GALNT13: variants seen among roughly 807,000 people sequenced by gnomAD.
GALNT13 encodes UDP-GalNAc:polypeptide N-acetylgalactosaminyltransferase 13.
Under a neutral mutation model 64.2 loss-of-function variants are expected in GALNT13, and 28 were observed. The observed-to-expected ratio is 0.44, with a 90% CI of 0.32 to 0.60. The LOEUF is 0.60. Among genes scored for constraint, GALNT13 ranks in the 20% least tolerant of loss-of-function variants. GALNT13 has a pLI of 0.05. For synonymous variants in GALNT13, 214 were observed against 224.6 expected, an observed-to-expected ratio of 0.95 and a Z score of 0.42; for missense variants, 577 against 669.8, an observed-to-expected ratio of 0.86 and a Z score of 1.53.
rs1689521393 is a variant in GALNT13, at chr2:154,242,112, C to T, written c.394C>T (p.Leu132Phe). 1 of 1,612,694 alleles carries T rather than the reference C, an allele frequency of 6.2e-7. No homozygotes were observed. Among genetic ancestry groups the T allele is most frequent in the Non-Finnish European group, 8.5e-7 (1 of 1,179,042 alleles). Residue 132 changes from leucine to phenylalanine, a missense_variant, in exon 5 of 13, where the codon CTT becomes TTT. Coordinates refer to ENST00000392825, the MANE Select transcript of GALNT13 (RefSeq NM_052917.4). ...VFHNEAWSTL[L>F]RTVYSVINRS... ...TCATAATGAAGCTTGGAGCACTCTC[C>T]TTAGAACTGTTTACAGTGTGATAAA... is the stretch of plus-strand genomic sequence containing the variant.
At chr2:153,126,832 G>C in the GALNT13 span, among the ~76,000 whole-genome samples, 5 of 152,076 alleles carry the variant, frequency 3.3e-5, no homozygotes, top group East Asian at 9.6e-4. Context: ...ATTCAGAGTG[G>C]CACATCTCTG....
At chr2:153,332,188 T>G in the GALNT13 span, among the ~76,000 whole-genome samples, 1 of 152,214 alleles carries the variant, frequency 6.6e-6, no homozygotes, top group African/African-American at 2.4e-5. Flanking sequence ...ATTTCTGCTC[T>G]GATTTTAGTT....
chr2:153,725,968 A>C, the GALNT13 span, among the ~76,000 whole-genome samples: 1 of 152,208 alleles, frequency 6.6e-6, no homozygotes, highest in Non-Finnish European at 1.5e-5. Flanking sequence ...GTTACTAGGA[A>C]ATCCATAGAG....
chr2:153,685,482 T>G, the GALNT13 span, among the ~76,000 whole-genome samples: 55 of 151,990 alleles, frequency 3.6e-4, no homozygotes, highest in African/African-American at 1.3e-3. Context: ...AGTGACTGTT[T>G]ATGTCTTTTG....
the GALNT13 span, among the ~76,000 whole-genome samples, chr2:153,123,589 C>G: frequency 1.1e-4 from 17 of 152,322 alleles, no homozygotes; most frequent in Admixed American, 9.1e-4. Flanking sequence ...AACCAAATCT[C>G]TATCTGCATG....
Position 154,408,945 on chromosome 2 carries a change from T to G in GALNT13, c.1297-39T>G, listed in dbSNP as rs116116513. On this transcript the variant is annotated intron_variant, in intron 10 of 12. Coordinates refer to ENST00000392825, the MANE Select transcript of GALNT13 (RefSeq NM_052917.4). ...TTTGATGACTTAAATAACTGTCTGA[T>G]TTATGTTTTATCCCCCCCCTTTTGT... 2.0e-5 allele frequency: 25 copies of G among 1,249,054 alleles called. No individual in the cohort carries two copies. In the African/African-American group the frequency reaches 3.6e-4, roughly 18 times the overall value. The allele number at this position is 1,249,054 out of a possible 1,614,324, so 77.4% of individuals were successfully genotyped here.
intron 3 of GALNT13, among the ~76,000 whole-genome samples, chr2:154,004,749 A>G (rs1315863338): frequency 6.6e-6 from 1 of 152,118 alleles, no homozygotes; most frequent in African/African-American, 2.4e-5. Flanking sequence ...AAACTTTTCT[A>G]TTGGTGAGAA....
At chr2:153,717,023 C>A in the GALNT13 span, among the ~76,000 whole-genome samples, 1 of 152,062 alleles carries the variant, frequency 6.6e-6, no homozygotes, top group East Asian at 1.9e-4. Context: ...ACACCCTTCT[C>A]ACTTCATCTA....
the GALNT13 span, among the ~76,000 whole-genome samples, chr2:153,402,852 A>T: frequency 6.6e-6 from 1 of 152,062 alleles, no homozygotes. Context: ...AAAGTTTTCA[A>T]CTTCTTTGCC....
the GALNT13 span, among the ~76,000 whole-genome samples, chr2:153,853,903 G>A: frequency 1.3e-5 from 2 of 151,660 alleles, no homozygotes; most frequent in African/African-American, 4.8e-5. Context: ...TTATGAAAAC[G>A]CATGAGGAAA....
the GALNT13 span, among the ~76,000 whole-genome samples, chr2:153,297,230 T>A: frequency 6.6e-6 from 1 of 152,200 alleles, no homozygotes; most frequent in Non-Finnish European, 1.5e-5. Flanking sequence ...GGCAGCTGCT[T>A]TTTTTCTTTT....
chr2:153,321,637 A>G, the GALNT13 span, among the ~76,000 whole-genome samples: 1 of 152,288 alleles, frequency 6.6e-6, no homozygotes, highest in Non-Finnish European at 1.5e-5. Flanking sequence ...TCCCCCAAAA[A>G]GGTTAAGAAA....
the GALNT13 span, among the ~76,000 whole-genome samples, chr2:153,710,400 A>G: frequency 6.6e-6 from 1 of 152,106 alleles, no homozygotes; most frequent in East Asian, 1.9e-4. Flanking sequence ...GAGAGTGAAA[A>G]AGTAAAATAA....
the GALNT13 span, among the ~76,000 whole-genome samples, chr2:153,260,598 T>C: frequency 5.7e-4 from 86 of 152,166 alleles, no homozygotes; most frequent in Non-Finnish European, 8.7e-4. Context: ...GTGTTATTTG[T>C]TTGTTTTTCT....
chr2:153,248,539 G>A, the GALNT13 span, among the ~76,000 whole-genome samples: 2 of 151,482 alleles, frequency 1.3e-5, no homozygotes, highest in African/African-American at 4.8e-5. Context: ...CCTCGGCCGG[G>A]CGTGGTGGCT....
chr2:153,668,183 G>A, the GALNT13 span, among the ~76,000 whole-genome samples: 2 of 152,060 alleles, frequency 1.3e-5, no homozygotes, highest in Non-Finnish European at 2.9e-5. Context: ...ATGCCCCACT[G>A]ACAGTATTAG....
intron 10 of GALNT13, among the ~76,000 whole-genome samples, chr2:154,408,068 A>T (rs1699634585): frequency 6.6e-6 from 1 of 152,102 alleles, no homozygotes. Flanking sequence ...TGGTTCGGAG[A>T]TACAAACTTT....
At chr2:154,246,961 C>A (rs1689817100) in intron 7 of GALNT13, among the ~76,000 whole-genome samples, 1 of 151,962 alleles carries the variant, frequency 6.6e-6, no homozygotes, top group Admixed American at 6.6e-5. Context: ...TATGTAAAAT[C>A]CATGATCTGA....
chr2:153,095,122 T>A, the GALNT13 span, among the ~76,000 whole-genome samples: 4 of 151,900 alleles, frequency 2.6e-5, no homozygotes, highest in Non-Finnish European at 5.9e-5. Context: ...TGGGAGAAAA[T>A]TTTTGCAATC....
Sources: allele counts gnomAD v4.1 joint callset (sites outside exome capture counted in the v4.1 genomes callset), GRCh38; gene constraint gnomAD v4.1.1; transcripts MANE v1.5; gene names NCBI Gene and HGNC (gene_info 2026-07-23, HGNC 2026-07-21).